The following VSNL1 variants were observed in gnomAD, a reference collection of about 807,000 sequenced individuals.
The protein encoded by VSNL1 is visinin like 1.
VSNL1 carries 6 observed loss-of-function variants against 20.4 expected under a neutral mutation model. The observed-to-expected ratio is 0.29, with a 90% CI of 0.16 to 0.58. The LOEUF (loss-of-function observed/expected upper bound fraction) is 0.58. Among genes scored for constraint, VSNL1 ranks in the 20% least tolerant of loss-of-function variants. The probability of loss-of-function intolerance (pLI) is 0.90; values close to 1 mark genes in which losing one functional copy is unlikely to be tolerated. For synonymous variants in VSNL1, 93 were observed against 86.4 expected, an observed-to-expected ratio of 1.08 and a Z score of -0.42; for missense variants, 100 against 234.5, an observed-to-expected ratio of 0.43 and a Z score of 3.75.
At chr2:17,610,061 C>T (rs753175078) in intron 2 of VSNL1, among the ~76,000 whole-genome samples, 3 of 152,166 alleles carry the variant, frequency 2.0e-5, no homozygotes, top group Non-Finnish European at 4.4e-5. Context: ...AATGAGCAGG[C>T]CAGCAGGGGC....
chr2:17,608,512 T>C (rs2103390978), intron 2 of VSNL1, among the ~76,000 whole-genome samples: 1 of 152,224 alleles, frequency 6.6e-6, no homozygotes, highest in African/African-American at 2.4e-5. Flanking sequence ...TTGGGAAAGA[T>C]TACATAAGAC....
chr2:17,632,932 T>A (rs1665669399), intron 2 of VSNL1, among the ~76,000 whole-genome samples: 2 of 152,208 alleles, frequency 1.3e-5, no homozygotes, highest in Admixed American at 1.3e-4. Flanking sequence ...GGCAGGCAGA[T>A]CACTTGAAGC....
rs182834907 is a variant in VSNL1, at chr2:17,575,339, T to A, written c.-5-16731T>A. On this transcript the variant is annotated intron_variant, in intron 1 of 3. Coordinates refer to ENST00000295156, the MANE Select transcript of VSNL1 (RefSeq NM_003385.5). Reference sequence around the variant, plus strand: ...ATACAAGGGACTACCTACCTCTGAATAATTTGAAGGTTAAATCATTGAAGA... The same window carrying A: ...ATACAAGGGACTACCTACCTCTGAAAAATTTGAAGGTTAAATCATTGAAGA... 8.9e-4 allele frequency among the ~76,000 whole-genome samples: 136 copies of A among 152,284 alleles called. 1 individual carries two copies. Among genetic ancestry groups the A allele is most frequent in the African/African-American group, 3.1e-3 (130 of 41,544 alleles).
chr2:17,637,268 G>A (rs1277604341), intron 2 of VSNL1, among the ~76,000 whole-genome samples: 1 of 152,238 alleles, frequency 6.6e-6, no homozygotes, highest in African/African-American at 2.4e-5. Context: ...ATATGGAAAT[G>A]TGCGAGAAGA....
intron 1 of VSNL1, among the ~76,000 whole-genome samples, chr2:17,548,541 AT>A (rs905260934): frequency 2.0e-5 from 3 of 152,146 alleles, no homozygotes; most frequent in African/African-American, 7.2e-5. Flanking sequence ...GTTATCTTAT[AT>A]GAATGTTGAA....
At chr2:17,647,005 A>C (rs1666013313) in intron 2 of VSNL1, among the ~76,000 whole-genome samples, 1 of 152,236 alleles carries the variant, frequency 6.6e-6, no homozygotes, top group Non-Finnish European at 1.5e-5. Flanking sequence ...ACCCCTCCAG[A>C]AATTTGAAGG....
chr2:17,607,083 C>G (rs555592830), intron 2 of VSNL1, among the ~76,000 whole-genome samples: 1 of 152,268 alleles, frequency 6.6e-6, no homozygotes, highest in African/African-American at 2.4e-5. Flanking sequence ...GGGCCACATG[C>G]TGTGTGGGAT....
chr2:17,619,379 G>T (rs1170649304), intron 2 of VSNL1, among the ~76,000 whole-genome samples: 4 of 152,118 alleles, frequency 2.6e-5, no homozygotes, highest in African/African-American at 9.7e-5. Context: ...TTGAGGGGTG[G>T]TTTTTTAAGT....
chr2:17,557,924 C>T (rs979387163), intron 1 of VSNL1, among the ~76,000 whole-genome samples: 2 of 152,056 alleles, frequency 1.3e-5, no homozygotes, highest in Admixed American at 6.6e-5. Flanking sequence ...TCATTAGATA[C>T]GCCCAAGTGC....
At chr2:17,577,342 A>G (rs1220406096) in intron 1 of VSNL1, among the ~76,000 whole-genome samples, 1 of 152,188 alleles carries the variant, frequency 6.6e-6, no homozygotes, top group Non-Finnish European at 1.5e-5. Context: ...TTTTTAAAAG[A>G]TGGCATATGG....
At chr2:17,568,638 C>G (rs868174285) in intron 1 of VSNL1, among the ~76,000 whole-genome samples, 1 of 152,288 alleles carries the variant, frequency 6.6e-6, no homozygotes, top group South Asian at 2.1e-4. Flanking sequence ...CCAAAACATC[C>G]CTTGTTGTTG....
In VSNL1 at chr2:17,591,780, T is replaced by G. The variant is rs562977575; in HGVS notation, c.-5-290T>G. ...ACAACTTCTATATGCTTACTATGAATAGCATAAAAAGGGATGGTTGCCTTC... is the reference window on the plus strand; with the variant it reads ...ACAACTTCTATATGCTTACTATGAAGAGCATAAAAAGGGATGGTTGCCTTC... On this transcript the variant is annotated intron_variant, in intron 1 of 3. Coordinates refer to ENST00000295156, the MANE Select transcript of VSNL1 (RefSeq NM_003385.5). 2.0e-5 allele frequency among the ~76,000 whole-genome samples: 3 copies of G among 152,124 alleles called. No individual in the cohort carries two copies. The South Asian group carries it at 6.2e-4, about 32-fold the overall frequency.
rs1209376683 is a variant in VSNL1 at position 17,540,889 on chromosome 2, C to T, written c.-35C>T. ...AAGAACTGTTGAGTTTTATCATTTT[C>T]GTTAAGTGACCGTGCGCAGCGCTGT... On this transcript the variant is annotated 5_prime_UTR_variant, in exon 1 of 4. Transcript: ENST00000295156. 6.6e-6 allele frequency: 1 copy of T among 152,398 alleles called. No individual in the cohort carries two copies. The highest frequency in any genetic ancestry group is 1.5e-5 in the Non-Finnish European group (1 of 68,040). 9.4% of individuals were successfully genotyped at this position (152,398 alleles called of 1,614,324 possible). A position where few individuals can be genotyped will look rare whatever the true frequency, so the allele number is the denominator to read the frequency against.
chr2:17,651,212 CAA>C (rs1666114939), intron 3 of VSNL1, among the ~76,000 whole-genome samples: 1 of 152,326 alleles, frequency 6.6e-6, no homozygotes, highest in African/African-American at 2.4e-5. Flanking sequence ...GCCCTTCAGC[CAA>C]AGTCCCCAAG....
intron 2 of VSNL1, among the ~76,000 whole-genome samples, chr2:17,604,948 T>C (rs917839798): frequency 2.4e-4 from 37 of 152,188 alleles, no homozygotes; most frequent in African/African-American, 8.7e-4. Flanking sequence ...TTGGAATACG[T>C]GTTAAGTAAT....
At chr2:17,600,414 A>C (rs568160346) in intron 2 of VSNL1, among the ~76,000 whole-genome samples, 6 of 152,240 alleles carry the variant, frequency 3.9e-5, no homozygotes, top group Non-Finnish European at 8.8e-5. Context: ...ATGGGAGGAT[A>C]TCCAGATGCC....
intron 2 of VSNL1, among the ~76,000 whole-genome samples, chr2:17,618,627 C>A (rs1182447298): frequency 6.6e-6 from 1 of 152,162 alleles, no homozygotes; most frequent in Non-Finnish European, 1.5e-5. Context: ...CTCCTCTGCC[C>A]AGGTTCTGTG....
chr2:17,644,765 TAAC>T (rs1665957900), intron 2 of VSNL1, among the ~76,000 whole-genome samples: 1 of 152,122 alleles, frequency 6.6e-6, no homozygotes, highest in Non-Finnish European at 1.5e-5. Flanking sequence ...CATGAAACAA[TAAC>T]TACTGTCTCA....
chr2:17,541,143 G>C (rs1050501609), intron 1 of VSNL1: 1 of 151,564 alleles, frequency 6.6e-6, no homozygotes, highest in African/African-American at 2.4e-5. Context: ...TATGCGGCGT[G>C]TTTGGGGGAT....
Sources: gnomAD v4.1 joint callset for allele counts (sites outside exome capture counted in the v4.1 genomes callset) on GRCh38, gnomAD v4.1.1 for gene constraint, MANE v1.5 for transcripts, NCBI Gene and HGNC (gene_info 2026-07-23, HGNC 2026-07-21) for gene names.